The following ADAMTSL1 variants were observed in gnomAD, a reference collection of about 807,000 sequenced individuals.
The protein encoded by ADAMTSL1 is ADAMTS like 1.
A neutral mutation model predicts 201.8 loss-of-function variants in ADAMTSL1; 126 were observed. The observed-to-expected ratio is 0.62, with a 90% CI of 0.54 to 0.72. The LOEUF is 0.72. ADAMTSL1 is among the 30% of genes least tolerant of loss of function. The probability of loss-of-function intolerance (pLI) is 0.00; values close to 1 mark genes in which losing one functional copy is unlikely to be tolerated. For missense variants in ADAMTSL1, 2,679 were observed against 2,277.8 expected (o/e 1.18, Z -3.59); for synonymous variants, 1,121 against 903.4 (o/e 1.24, Z -4.32).
chr9:18,441,761 C>T (rs754758667), intron 2 of ADAMTSL1, among the ~76,000 whole-genome samples: 20 of 152,076 alleles, frequency 1.3e-4, no homozygotes, highest in Non-Finnish European at 2.5e-4. Flanking sequence ...GAATGTAATG[C>T]TCTCAGCCTG....
At chr9:18,516,646 A>G (rs750060660) in intron 2 of ADAMTSL1, among the ~76,000 whole-genome samples, 3 of 152,206 alleles carry the variant, frequency 2.0e-5, no homozygotes, top group Admixed American at 1.3e-4. Flanking sequence ...CTCTACTTGT[A>G]TGACATTGGA....
intron 2 of ADAMTSL1, among the ~76,000 whole-genome samples, chr9:18,341,070 A>C (rs1020539283): frequency 6.6e-6 from 1 of 152,072 alleles, no homozygotes; most frequent in Non-Finnish European, 1.5e-5. Flanking sequence ...GGTTTGTTTC[A>C]GCATCGCAGC....
At chr9:18,750,376 A>G (rs769400086) in intron 15 of ADAMTSL1, among the ~76,000 whole-genome samples, 19 of 152,214 alleles carry the variant, frequency 1.2e-4, no homozygotes, top group Non-Finnish European at 2.4e-4. Context: ...TAAATCACAC[A>G]GTATCAATTT....
At chr9:18,548,533 A>G (rs1406291771) in intron 3 of ADAMTSL1, among the ~76,000 whole-genome samples, 1 of 152,070 alleles carries the variant, frequency 6.6e-6, no homozygotes, top group Non-Finnish European at 1.5e-5. Context: ...CAATCTCTAC[A>G]AGGAGTGTTT....
intron 2 of ADAMTSL1, among the ~76,000 whole-genome samples, chr9:18,330,875 A>G (rs1161432371): frequency 6.6e-6 from 1 of 152,246 alleles, no homozygotes; most frequent in African/African-American, 2.4e-5. Context: ...ACTGAGCACC[A>G]GTTACATGCC....
chr9:18,097,023 T>C (rs1824281604), intron 1 of ADAMTSL1, among the ~76,000 whole-genome samples: 1 of 152,226 alleles, frequency 6.6e-6, no homozygotes, highest in African/African-American at 2.4e-5. Flanking sequence ...TTGTATCAGA[T>C]ATACTGTCAA....
intron 2 of ADAMTSL1, among the ~76,000 whole-genome samples, chr9:18,525,623 C>A (rs1484230885): frequency 6.6e-6 from 1 of 152,166 alleles, no homozygotes. Context: ...AAATGTGTCC[C>A]AGAGATTCTG....
At chr9:18,253,426 G>C (rs1213893419) in intron 2 of ADAMTSL1, among the ~76,000 whole-genome samples, 1 of 152,132 alleles carries the variant, frequency 6.6e-6, no homozygotes, top group Non-Finnish European at 1.5e-5. Flanking sequence ...ATTCTAACTA[G>C]TTGTCTAATT....
chr9:18,246,734 T>G (rs1268233121), intron 2 of ADAMTSL1, among the ~76,000 whole-genome samples: 1 of 152,180 alleles, frequency 6.6e-6, no homozygotes, highest in Non-Finnish European at 1.5e-5. Context: ...ATATGTGAAT[T>G]GTAGCAGGAA....
At chr9:18,261,247 G>A (rs1038016083) in intron 2 of ADAMTSL1, among the ~76,000 whole-genome samples, 2 of 152,006 alleles carry the variant, frequency 1.3e-5, no homozygotes, top group African/African-American at 4.8e-5. Flanking sequence ...TAGACTTGTG[G>A]TTGCTTGAGA....
intron 2 of ADAMTSL1, among the ~76,000 whole-genome samples, chr9:18,400,046 A>T (rs1246906008): frequency 1.5e-5 from 2 of 137,424 alleles, no homozygotes; most frequent in Admixed American, 7.7e-5. Flanking sequence ...TTTCCAATAA[A>T]ATGTGATTTT....
At chr9:18,406,290 TTTTCTTTTC>T (rs1818192662) in intron 2 of ADAMTSL1, among the ~76,000 whole-genome samples, 1 of 18,434 alleles carries the variant, frequency 5.4e-5, no homozygotes, top group East Asian at 1.3e-3. Context: ...TAAGACAGTT[TTTTCTTTTC>T]TTTTCTTTTC....
intron 19 of ADAMTSL1, among the ~76,000 whole-genome samples, chr9:18,787,651 A>T (rs374639520): frequency 6.6e-6 from 1 of 152,224 alleles, no homozygotes; most frequent in African/African-American, 2.4e-5. Flanking sequence ...TAGGATTTGC[A>T]GGCATCAGGA....
chr9:18,675,800 G>A (rs1830099091), intron 9 of ADAMTSL1, 57 bp from the exon 10 acceptor site: 2 of 1,468,682 alleles, frequency 1.4e-6, no homozygotes, highest in African/African-American at 1.4e-5. Context: ...ATCATTTAGT[G>A]TTTATTTTAT....
chr9:18,665,728 C>T (rs1403542086), intron 9 of ADAMTSL1, among the ~76,000 whole-genome samples: 1 of 152,054 alleles, frequency 6.6e-6, no homozygotes, highest in East Asian at 1.9e-4. Context: ...CTGACAACAT[C>T]CACTGGATTC....
At chr9:18,413,522 T>C (rs77782401) in intron 2 of ADAMTSL1, among the ~76,000 whole-genome samples, 5,369 of 152,298 alleles carry the variant, frequency 0.035, 199 homozygotes, top group African/African-American at 0.09. Flanking sequence ...TCTGTAATAG[T>C]TATTTTGCCA....
intron 2 of ADAMTSL1, among the ~76,000 whole-genome samples, chr9:18,289,127 A>ATATG (rs1833143516): frequency 1.4e-5 from 2 of 146,020 alleles, no homozygotes; most frequent in Non-Finnish European, 3.0e-5. Context: ...TGGTGTATAT[A>ATATG]TATGTCTGTC....
At chr9:18,499,552 G>A (rs1469718298) in intron 1 of ADAMTSL1, among the ~76,000 whole-genome samples, 3 of 152,192 alleles carry the variant, frequency 2.0e-5, no homozygotes, top group African/African-American at 7.2e-5. Flanking sequence ...CTTCGCATGG[G>A]CAGACCACAG....
At chr9:18,088,527 A>G (rs569874988) in intron 1 of ADAMTSL1, among the ~76,000 whole-genome samples, 44 of 152,346 alleles carry the variant, frequency 2.9e-4, no homozygotes, top group Admixed American at 1.7e-3. Context: ...CTACAACTCA[A>G]TAGCAAAAAG....
Sources: gnomAD v4.1 joint callset for allele counts (sites outside exome capture counted in the v4.1 genomes callset) on GRCh38, gnomAD v4.1.1 for gene constraint, MANE v1.5 for transcripts, NCBI Gene and HGNC (gene_info 2026-07-23, HGNC 2026-07-21) for gene names.